The following ZNF385D variants were observed in gnomAD, a reference collection of about 807,000 sequenced individuals.
ZNF385D encodes the protein zinc finger protein 385D.
ZNF385D carries 15 observed loss-of-function variants against 35.8 expected under a neutral mutation model. The observed-to-expected ratio is 0.42, with a 90% CI of 0.28 to 0.64. The LOEUF is 0.64. ZNF385D is among the 30% of genes least tolerant of loss of function. The pLI is 0.23. For missense variants in ZNF385D, 474 were observed against 494.6 expected (o/e 0.96, Z 0.39); for synonymous variants, 212 against 186.8 (o/e 1.13, Z -1.10).
At chr3:21,424,670 C>G (rs1174575575) in intron 6 of ZNF385D, among the ~76,000 whole-genome samples, 4 of 139,038 alleles carry the variant, frequency 2.9e-5, no homozygotes, top group Non-Finnish European at 6.1e-5. Flanking sequence ...AGCTTTTCTT[C>G]TTATCACTAC....
At chr3:21,643,019 C>T (rs557677890) in intron 2 of ZNF385D, among the ~76,000 whole-genome samples, 2 of 151,650 alleles carry the variant, frequency 1.3e-5, no homozygotes, top group African/African-American at 2.4e-5. Context: ...GACGAATGCA[C>T]AATGTAAATA....
chr3:21,860,186 G>A (rs913796105), intron 3 of ZNF385D, among the ~76,000 whole-genome samples: 3 of 151,672 alleles, frequency 2.0e-5, no homozygotes, highest in African/African-American at 4.9e-5. Flanking sequence ...TTTTGACCAA[G>A]GTTGAGCACG....
chr3:22,244,696 C>G (rs1458834536), intron 2 of ZNF385D, among the ~76,000 whole-genome samples: 1 of 151,016 alleles, frequency 6.6e-6, no homozygotes, highest in East Asian at 2.0e-4. Context: ...CAACTCTATG[C>G]TGAATTTACT....
chr3:22,163,444 CT>C (rs1280129637), intron 3 of ZNF385D, among the ~76,000 whole-genome samples: 4 of 152,076 alleles, frequency 2.6e-5, no homozygotes, highest in Admixed American at 6.5e-5. Context: ...GATCATTTTC[CT>C]TAATAAGTGA....
intron 3 of ZNF385D, among the ~76,000 whole-genome samples, chr3:21,561,314 A>G (rs2062937790): frequency 6.6e-6 from 1 of 152,174 alleles, no homozygotes; most frequent in Admixed American, 6.5e-5. Flanking sequence ...CGGGTTGCAA[A>G]GACCATGGGA....
At chr3:21,842,046 A>AT (rs1222528770) in intron 3 of ZNF385D, among the ~76,000 whole-genome samples, 1 of 151,862 alleles carries the variant, frequency 6.6e-6, no homozygotes, top group Non-Finnish European at 1.5e-5. Flanking sequence ...TATTTGTATA[A>AT]TTTTTATCAT....
At chr3:21,440,988 T>C (rs1701831376) in intron 4 of ZNF385D, among the ~76,000 whole-genome samples, 1 of 152,128 alleles carries the variant, frequency 6.6e-6, no homozygotes, top group Admixed American at 6.6e-5. Context: ...CAGTTACTCA[T>C]GCACTCAAAC....
intron 2 of ZNF385D, among the ~76,000 whole-genome samples, chr3:22,220,347 C>T (rs952286642): frequency 2.0e-5 from 3 of 152,126 alleles, no homozygotes; most frequent in Non-Finnish European, 2.9e-5. Context: ...TTACAGGACA[C>T]TTTAGGAGCC....
chr3:21,468,860 CAG>C (rs1299655067), intron 4 of ZNF385D, among the ~76,000 whole-genome samples: 1 of 151,934 alleles, frequency 6.6e-6, no homozygotes, highest in African/African-American at 2.4e-5. Flanking sequence ...ACTTGGGAGA[CAG>C]AGATTGCAGT....
rs148111030 is a variant in ZNF385D, at chr3:21,703,195, G to A, written c.23-38167C>T. 9.3e-3 allele frequency among the ~76,000 whole-genome samples: 1,419 copies of A among 152,228 alleles called. 23 individuals carry two copies. Among genetic ancestry groups the A allele is most frequent in the African/African-American group, 0.032 (1,350 of 41,540 alleles). ...GCTGGGGAGGCCTCAGAATCATGGC[G>A]GGAGGTGAAAGGCACTTCTTACATG... On this transcript the variant is annotated intron_variant, in intron 1 of 7. Transcript: ENST00000281523.
At position 21,735,981 on chromosome 3, in the gene ZNF385D, T is replaced by G. The variant is rs550974751; in HGVS notation, c.22+14914A>C. Among the ~76,000 whole-genome samples the G allele has an allele frequency of 1.6e-4, 25 of 152,378 alleles. No homozygotes were observed. In the South Asian group the frequency reaches 2.9e-3, roughly 18 times the overall value. On this transcript the variant is annotated intron_variant, in intron 1 of 7. Transcript: ENST00000281523. The stretch of plus-strand genomic sequence containing the variant: ...CAGAAGTGGCCCAAGAATTGTGTGC[T>G]GGACAGAAAATAACAAAGGGTAGTG...
At chr3:22,181,428 G>A (rs1227187117) in intron 2 of ZNF385D, among the ~76,000 whole-genome samples, 2 of 152,098 alleles carry the variant, frequency 1.3e-5, no homozygotes, top group Non-Finnish European at 2.9e-5. Context: ...CGGGCGCGGT[G>A]TCTCAAGCCT....
intron 2 of ZNF385D, among the ~76,000 whole-genome samples, chr3:21,647,318 C>T (rs1559486701): frequency 1.3e-5 from 2 of 149,660 alleles, no homozygotes; most frequent in Non-Finnish European, 1.5e-5. Context: ...TTAATTAATC[C>T]ATCCTTCCTT....
intron 3 of ZNF385D, among the ~76,000 whole-genome samples, chr3:21,980,121 G>C (rs1338535055): frequency 2.0e-5 from 3 of 152,122 alleles, no homozygotes; most frequent in African/African-American, 7.2e-5. Flanking sequence ...TATTAAAGCA[G>C]CCTTATAGAG....
intron 3 of ZNF385D, among the ~76,000 whole-genome samples, chr3:21,799,174 G>A (rs1345871428): frequency 6.6e-6 from 1 of 152,198 alleles, no homozygotes; most frequent in Non-Finnish European, 1.5e-5. Context: ...CTGCATGGAT[G>A]CACCACCATT....
Position 21,799,638 on chromosome 3 carries a change from G to C in ZNF385D, c.326-134610C>G, listed in dbSNP as rs1300475488. 2.0e-5 allele frequency among the ~76,000 whole-genome samples: 3 copies of C among 151,996 alleles called. No individual in the cohort carries two copies. The East Asian group carries it at 5.8e-4, about 29-fold the overall frequency. On this transcript the variant is annotated intron_variant, in intron 3 of 5. Transcript: ENST00000494108. ...GGATTGTTTTTCCTTTTGTCATCGA[G>C]TTCTAAGAGTCCTTTTCATATTCTG... is the stretch of plus-strand genomic sequence containing the variant.
At chr3:22,278,179 C>T (rs987898148) in intron 2 of ZNF385D, among the ~76,000 whole-genome samples, 1 of 152,048 alleles carries the variant, frequency 6.6e-6, no homozygotes, top group African/African-American at 2.4e-5. Context: ...AGAAGAGAGG[C>T]ATTTAATACG....
At chr3:21,969,851 C>T (rs534678035) in intron 3 of ZNF385D, among the ~76,000 whole-genome samples, 4 of 152,184 alleles carry the variant, frequency 2.6e-5, no homozygotes, top group Admixed American at 2.6e-4. Flanking sequence ...CCAGACAGCT[C>T]AGAAAGGGAT....
At chr3:22,198,103 A>G (rs923494548) in intron 2 of ZNF385D, among the ~76,000 whole-genome samples, 9 of 152,128 alleles carry the variant, frequency 5.9e-5, no homozygotes, top group African/African-American at 1.9e-4. Flanking sequence ...AATCAGGATT[A>G]AAAATGGAGA....
Sources: gnomAD v4.1 joint callset for allele counts (sites outside exome capture counted in the v4.1 genomes callset) on GRCh38, gnomAD v4.1.1 for gene constraint, MANE v1.5 for transcripts, NCBI Gene and HGNC (gene_info 2026-07-23, HGNC 2026-07-21) for gene names.